SYBU: variants seen among roughly 807,000 people sequenced by gnomAD.
The protein encoded by SYBU is syntabulin.
A neutral mutation model predicts 35.9 loss-of-function variants in SYBU; 21 were observed. The observed-to-expected ratio is 0.58, with a 90% CI of 0.41 to 0.84. The LOEUF is 0.84. SYBU is among the 40% of genes least tolerant of loss of function. SYBU has a pLI of 0.00. For synonymous variants in SYBU, 319 were observed against 324.3 expected, an observed-to-expected ratio of 0.98 and a Z score of 0.18; for missense variants, 768 against 848.2, an observed-to-expected ratio of 0.91 and a Z score of 1.17.
At chr8:109,682,267 TTTC>T (rs1273480815), upstream of SYBU, among the ~76,000 whole-genome samples, 1 of 152,204 alleles carries the variant, frequency 6.6e-6, no homozygotes. Context: ...AGTTTGGAAC[TTTC>T]TAGAGACTTG....
intron 1 of SYBU, among the ~76,000 whole-genome samples, chr8:109,652,716 A>C (rs919816152): frequency 6.6e-6 from 1 of 152,152 alleles, no homozygotes; most frequent in Non-Finnish European, 1.5e-5. Context: ...TCTAACTCTC[A>C]GGGCAATTTC....
chr8:109,662,494 C>A (rs769707384), intron 1 of SYBU, among the ~76,000 whole-genome samples: 3 of 152,176 alleles, frequency 2.0e-5, no homozygotes, highest in African/African-American at 4.8e-5. Flanking sequence ...CTGCTCTAGT[C>A]CCAGGGCCAC....
intron 2 of SYBU, 45 bp downstream of exon 2, chr8:109,642,683 G>T: frequency 7.1e-7 from 1 of 1,418,120 alleles, no homozygotes. Flanking sequence ...TGCACCTGCA[G>T]TGCACACGCT....
At chr8:109,578,125 C>A in intron 5 of SYBU, 108 bp from the exon 6 acceptor site, 1 of 1,275,466 alleles carries the variant, frequency 7.8e-7, no homozygotes, top group South Asian at 1.6e-5. Flanking sequence ...CTCCAGAATT[C>A]ATATGTTGAA....
At chr8:109,587,830 A>T (rs2703384) in intron 3 of SYBU, among the ~76,000 whole-genome samples, 72,126 of 152,052 alleles carry the variant, frequency 0.47, 19,517 homozygotes, top group African/African-American at 0.74. Flanking sequence ...AAGATTAGCA[A>T]GGTAGTTTAT....
chr8:109,613,980 C>T (rs1354335766), intron 3 of SYBU, among the ~76,000 whole-genome samples: 1 of 152,212 alleles, frequency 6.6e-6, no homozygotes, highest in African/African-American at 2.4e-5. Flanking sequence ...GGGATACTAA[C>T]TTAGTTTGAA....
intron 2 of SYBU, among the ~76,000 whole-genome samples, chr8:109,631,469 C>A (rs547518927): frequency 1.9e-4 from 29 of 152,272 alleles, no homozygotes; most frequent in African/African-American, 6.7e-4. Context: ...TCTGGCGAAG[C>A]CCTGGGCAGT....
chr8:109,660,699 T>C (rs189590938), intron 1 of SYBU, among the ~76,000 whole-genome samples: 2 of 152,336 alleles, frequency 1.3e-5, no homozygotes, highest in East Asian at 1.9e-4. Context: ...TTGACAATTA[T>C]AAATAAATAT....
chr8:109,617,108 T>A (rs1265816977), intron 3 of SYBU, among the ~76,000 whole-genome samples: 1 of 151,372 alleles, frequency 6.6e-6, no homozygotes, highest in African/African-American at 2.4e-5. Flanking sequence ...TGCACTCCAG[T>A]CTGGGCGACA....
intron 2 of SYBU, among the ~76,000 whole-genome samples, chr8:109,621,926 T>C (rs1034811778): frequency 2.0e-5 from 3 of 152,106 alleles, no homozygotes; most frequent in African/African-American, 7.2e-5. Flanking sequence ...TGCTAGGGAG[T>C]AACCTGAGGT....
chr8:109,669,550 C>T (rs967159308), intron 1 of SYBU, among the ~76,000 whole-genome samples: 1 of 152,044 alleles, frequency 6.6e-6, no homozygotes, highest in African/African-American at 2.4e-5. Flanking sequence ...GGTTCAAACA[C>T]TATATGTTTT....
At chr8:109,668,589 G>A (rs1816854194) in intron 1 of SYBU, among the ~76,000 whole-genome samples, 2 of 152,056 alleles carry the variant, frequency 1.3e-5, no homozygotes, top group Non-Finnish European at 2.9e-5. Flanking sequence ...GATTTTGAGG[G>A]GATGTCACCA....
chr8:109,653,588 C>T (rs1218243798), intron 1 of SYBU, among the ~76,000 whole-genome samples: 1 of 152,230 alleles, frequency 6.6e-6, no homozygotes, highest in Non-Finnish European at 1.5e-5. Flanking sequence ...TGCTTTTCAC[C>T]TGCAGTGGGC....
chr8:109,630,600 C>T (rs979946132), intron 2 of SYBU, among the ~76,000 whole-genome samples: 31 of 151,922 alleles, frequency 2.0e-4, no homozygotes, highest in African/African-American at 5.1e-4. Flanking sequence ...TTTACAGTAA[C>T]GAAAAATGGG....
At chr8:109,643,012 A>G in intron 1 of SYBU, 80 bp from the exon 2 acceptor site, 1 of 1,451,720 alleles carries the variant, frequency 6.9e-7, no homozygotes. Context: ...TTCAAGGATC[A>G]ATTTCTAAGA....
chr8:109,679,660 G>A (rs1817329935), intron 1 of SYBU, among the ~76,000 whole-genome samples: 1 of 152,218 alleles, frequency 6.6e-6, no homozygotes, highest in East Asian at 1.9e-4. Context: ...GCACAAGTAA[G>A]ACAGCTCTCT....
intron 5 of SYBU, among the ~76,000 whole-genome samples, 193 bp downstream of exon 5, chr8:109,579,606 T>C (rs188715828): frequency 1.3e-5 from 2 of 152,284 alleles, no homozygotes; most frequent in Admixed American, 1.3e-4. Context: ...TGCTGTGCCT[T>C]GTTAGAAATT....
intron 2 of SYBU, among the ~76,000 whole-genome samples, chr8:109,620,207 G>C (rs2154656): frequency 0.1 from 15,538 of 152,112 alleles, 1,051 homozygotes; most frequent in East Asian, 0.36. Flanking sequence ...ATCAGTTAGT[G>C]GTAAATTTAC....
upstream of SYBU, chr8:109,645,416 T>G (rs1815554453): frequency 2.3e-6 from 1 of 439,236 alleles, no homozygotes; most frequent in South Asian, 1.6e-5. Flanking sequence ...CGCAGCTCCC[T>G]CCGGCTTGGA....
Sources: gnomAD v4.1 joint callset for allele counts (sites outside exome capture counted in the v4.1 genomes callset) on GRCh38, gnomAD v4.1.1 for gene constraint, MANE v1.5 for transcripts, NCBI Gene and HGNC (gene_info 2026-07-23, HGNC 2026-07-21) for gene names.